ATG5: variants seen among roughly 807,000 people sequenced by gnomAD.
ATG5 encodes autophagy related 5.
ATG5 carries 14 observed loss-of-function variants against 36.5 expected under a neutral mutation model. The ratio of observed to expected loss-of-function variants is 0.38; its 90% CI spans 0.25 to 0.60. The LOEUF (loss-of-function observed/expected upper bound fraction) is 0.60. ATG5 is among the 20% of genes least tolerant of loss of function. ATG5 has a pLI of 0.60. For synonymous variants in ATG5, 95 were observed against 101.5 expected, an observed-to-expected ratio of 0.94 and a Z score of 0.38; for missense variants, 195 against 326.7, an observed-to-expected ratio of 0.60 and a Z score of 3.11.
chr6:106,293,660 A>C (rs1780414535), intron 3 of ATG5, among the ~76,000 whole-genome samples: 1 of 152,160 alleles, frequency 6.6e-6, no homozygotes, highest in Non-Finnish European at 1.5e-5. Context: ...TTTTTCACAT[A>C]ATATAATGTC....
At chr6:106,238,825 T>C (rs1777996642) in intron 6 of ATG5, among the ~76,000 whole-genome samples, 1 of 152,158 alleles carries the variant, frequency 6.6e-6, no homozygotes, top group Non-Finnish European at 1.5e-5. Flanking sequence ...AAATGGGTAG[T>C]ATTTTTTAAT....
intron 6 of ATG5, among the ~76,000 whole-genome samples, chr6:106,241,387 T>C (rs1225859114): frequency 6.6e-6 from 1 of 152,098 alleles, no homozygotes; most frequent in East Asian, 1.9e-4. Context: ...CTTTGTGCAC[T>C]GTTGGTGGGA....
chr6:106,242,279 C>CA (rs1360965966), intron 6 of ATG5, among the ~76,000 whole-genome samples: 5 of 151,474 alleles, frequency 3.3e-5, no homozygotes, highest in Non-Finnish European at 7.4e-5. Context: ...CACACCCAGC[C>CA]AAAAAAAGGA....
chr6:106,207,484 T>G (rs1213559257), intron 6 of ATG5, among the ~76,000 whole-genome samples: 1 of 150,222 alleles, frequency 6.7e-6, no homozygotes, highest in Admixed American at 6.6e-5. Context: ...GAGGAGAGCT[T>G]GAGCCCATGA....
intron 6 of ATG5, among the ~76,000 whole-genome samples, chr6:106,226,975 G>A (rs665791): frequency 0.59 from 89,965 of 151,734 alleles, 27,741 homozygotes; most frequent in African/African-American, 0.77. Flanking sequence ...GACACCATCA[G>A]GCATACCAAT....
chr6:106,228,804 T>C (rs1307096420), intron 6 of ATG5, among the ~76,000 whole-genome samples: 5 of 152,218 alleles, frequency 3.3e-5, no homozygotes, highest in Non-Finnish European at 7.3e-5. Context: ...CGCCAGACTT[T>C]AGACTCAGGT....
chr6:106,191,344 G>T (rs946278400), intron 7 of ATG5, among the ~76,000 whole-genome samples: 3 of 152,020 alleles, frequency 2.0e-5, no homozygotes, highest in Admixed American at 6.6e-5. Flanking sequence ...CATCTCCTAA[G>T]TTCTGCTTGC....
chr6:106,316,113 T>C lies in ATG5; in HGVS notation c.96A>G (p.Ala32=). 1 of 1,612,878 alleles carries C rather than the reference T, an allele frequency of 6.2e-7. No homozygotes were observed. Among genetic ancestry groups the C allele is most frequent in the Admixed American group, 1.7e-5 (1 of 59,922 alleles). Residue 32 remains alanine, a synonymous_variant, in exon 2 of 8, where the codon GCA becomes GCG. Transcript: ENST00000369076. ...TCAATGTACTTACATAGTATGGTTC[T>C]GCTTCCCTTTCAGTTATCTCATCCT... is the stretch of plus-strand genomic sequence containing the variant. ...LYQDEITERE[A]EPYYLLLPRV...
At chr6:106,253,809 A>G (rs2787532) in intron 5 of ATG5, among the ~76,000 whole-genome samples, 151,706 of 152,350 alleles carry the variant, frequency 1, 75,533 homozygotes, top group East Asian at 1. Flanking sequence ...TTTAAGTTAT[A>G]TACTAAAATC....
At chr6:106,190,880 T>C (rs1775943271) in intron 7 of ATG5, among the ~76,000 whole-genome samples, 1 of 152,166 alleles carries the variant, frequency 6.6e-6, no homozygotes, top group African/African-American at 2.4e-5. Flanking sequence ...ACAATGACTG[T>C]TATCAATATA....
At chr6:106,251,994 T>C (rs1322208874) in intron 5 of ATG5, among the ~76,000 whole-genome samples, 1 of 151,902 alleles carries the variant, frequency 6.6e-6, no homozygotes, top group Non-Finnish European at 1.5e-5. Flanking sequence ...GCATGCATCA[T>C]CACGCCCGGC....
At chr6:106,221,414 G>A (rs75364358) in intron 6 of ATG5, among the ~76,000 whole-genome samples, 5,245 of 152,122 alleles carry the variant, frequency 0.034, 179 homozygotes, top group African/African-American at 0.084. Context: ...GGCCGGGTAC[G>A]GTGGCTAACA....
intron 6 of ATG5, among the ~76,000 whole-genome samples, chr6:106,216,433 G>C (rs1777041335): frequency 6.6e-6 from 1 of 151,988 alleles, no homozygotes; most frequent in South Asian, 2.1e-4. Context: ...ATGATGTATT[G>C]ATACATGCTA....
At chr6:106,195,685 A>G (rs1195113693) in intron 7 of ATG5, among the ~76,000 whole-genome samples, 3 of 152,066 alleles carry the variant, frequency 2.0e-5, no homozygotes, top group Non-Finnish European at 2.9e-5. Context: ...CAAGAGAAGC[A>G]TTTGACAGTT....
chr6:106,315,154 T>G (rs760584332), intron 2 of ATG5, among the ~76,000 whole-genome samples: 1 of 152,184 alleles, frequency 6.6e-6, no homozygotes, highest in Non-Finnish European at 1.5e-5. Context: ...GTAATCTGAC[T>G]TTCCGTAGCT....
chr6:106,308,963 G>GAGCT (rs1247858021), intron 2 of ATG5, among the ~76,000 whole-genome samples: 1 of 152,050 alleles, frequency 6.6e-6, no homozygotes, highest in Non-Finnish European at 1.5e-5. Context: ...AGAGAATGCT[G>GAGCT]AGCTAGGTAA....
At chr6:106,236,174 T>TATTC (rs2114479765) in intron 6 of ATG5, among the ~76,000 whole-genome samples, 1 of 152,388 alleles carries the variant, frequency 6.6e-6, no homozygotes, top group East Asian at 1.9e-4. Context: ...TTGCATGTAT[T>TATTC]ATTCCTTTTA....
At chr6:106,261,681 G>A (rs1779025526) in intron 5 of ATG5, among the ~76,000 whole-genome samples, 1 of 152,244 alleles carries the variant, frequency 6.6e-6, no homozygotes, top group Non-Finnish European at 1.5e-5. Context: ...CTCTAGAGTA[G>A]TGGTTCTCCT....
intron 5 of ATG5, among the ~76,000 whole-genome samples, chr6:106,273,034 A>G (rs945900103): frequency 6.6e-6 from 1 of 152,194 alleles, no homozygotes; most frequent in Non-Finnish European, 1.5e-5. Context: ...TATTTATACA[A>G]TGTAATCTCA....
Sources: allele counts gnomAD v4.1 joint callset (sites outside exome capture counted in the v4.1 genomes callset), GRCh38; gene constraint gnomAD v4.1.1; transcripts MANE v1.5; gene names NCBI Gene and HGNC (gene_info 2026-07-23, HGNC 2026-07-21).